The following MANBA variants were observed in gnomAD, a reference collection of about 807,000 sequenced individuals.
MANBA encodes the protein mannosidase beta.
A neutral mutation model predicts 111.1 loss-of-function variants in MANBA; 83 were observed. The observed-to-expected ratio is 0.75, with a 90% CI of 0.63 to 0.90. The LOEUF is 0.90. MANBA is among the 40% of genes least tolerant of loss of function. The pLI is 0.00. For missense variants in MANBA, 1,036 were observed against 1,069.0 expected, an observed-to-expected ratio of 0.97 and a Z score of 0.43; for synonymous variants, 370 against 378.7, an observed-to-expected ratio of 0.98 and a Z score of 0.27.
intron 11 of MANBA, 127 bp downstream of exon 11, chr4:102,664,558 T>C: frequency 1.3e-6 from 1 of 796,044 alleles, no homozygotes; most frequent in South Asian, 1.5e-5. Flanking sequence ...CACCGTGGTC[T>C]CGATCTCCTG....
chr4:102,691,592 A>C (rs1341359069), intron 5 of MANBA, among the ~76,000 whole-genome samples: 2 of 150,324 alleles, frequency 1.3e-5, no homozygotes, highest in Non-Finnish European at 3.0e-5. Context: ...TGTAGCTTTG[A>C]ACTCCTGGGC....
At chr4:102,705,364 G>A (rs1422559862) in intron 5 of MANBA, among the ~76,000 whole-genome samples, 5 of 152,170 alleles carry the variant, frequency 3.3e-5, no homozygotes, top group African/African-American at 4.8e-5. Context: ...GTCTAGCCCC[G>A]AATGGACTGC....
chr4:102,708,398 A>G (rs1733399894), intron 5 of MANBA, among the ~76,000 whole-genome samples: 1 of 152,188 alleles, frequency 6.6e-6, no homozygotes. Context: ...ATGCTCTGAA[A>G]TGACAATTGG....
chr4:102,733,432 C>G (rs899667479), intron 1 of MANBA, among the ~76,000 whole-genome samples: 1 of 151,622 alleles, frequency 6.6e-6, no homozygotes. Flanking sequence ...TGGTTCACTA[C>G]AGCCTCAACC....
At chr4:102,699,751 C>T (rs572971958) in intron 5 of MANBA, among the ~76,000 whole-genome samples, 6 of 150,580 alleles carry the variant, frequency 4.0e-5, no homozygotes, top group Admixed American at 6.6e-5. Context: ...GCTGCTGGAT[C>T]CGGTTTGCCA....
intron 13 of MANBA, among the ~76,000 whole-genome samples, chr4:102,641,069 C>A (rs1729858891): frequency 6.6e-6 from 1 of 152,130 alleles, no homozygotes; most frequent in Non-Finnish European, 1.5e-5. Flanking sequence ...TTAAACAGTA[C>A]CAATGCTAAG....
intron 1 of MANBA, chr4:102,734,728 G>A (rs1723148312): frequency 5.8e-6 from 4 of 694,384 alleles, no homozygotes; most frequent in Non-Finnish European, 9.7e-6. Context: ...TGAGGAGGCT[G>A]TGACACCCTC....
At position 102,709,419 on chromosome 4, in the gene MANBA, GAGAA is replaced by G. The variant is rs1721950287; in HGVS notation, c.673+5015_673+5018del. On this transcript the variant is annotated intron_variant, in intron 5 of 16. Coordinates refer to ENST00000647097, the MANE Select transcript of MANBA (RefSeq NM_005908.4). ...GAAAGAAAAAAAAGAAAGAAAGAAA[GAGAA>G]AGAGAGAGAGAGAAAGGAAGGAAGG... Among the ~76,000 whole-genome samples the G allele has an allele frequency of 1.6e-5, 2 of 128,088 alleles. 1 individual carries two copies. Among genetic ancestry groups the G allele is most frequent in the Non-Finnish European group, 3.2e-5 (2 of 62,246 alleles). The allele number at this position is 128,088 out of a possible 152,430, so 84.0% of individuals were successfully genotyped here.
chr4:102,723,843 A>G lies in MANBA; in HGVS notation c.378+19T>C, dbSNP rs749007579. 13 of 1,412,910 alleles carry G rather than the reference A, an allele frequency of 9.2e-6. No individual in the cohort carries two copies. Among genetic ancestry groups the G allele is most frequent in the Non-Finnish European group, 1.3e-5 (13 of 1,003,842 alleles). 87.5% of individuals were successfully genotyped at this position (1,412,910 alleles called of 1,614,324 possible). ...AACACACATAAATTTTTTTTAACCT[A>G]ATGTCATTATATACTTACATATCTA... is the stretch of plus-strand genomic sequence containing the variant. On this transcript the variant is annotated intron_variant, in intron 3 of 16. Transcript: ENST00000647097.
intron 1 of MANBA, among the ~76,000 whole-genome samples, chr4:102,758,606 G>C (rs778004230): frequency 2.8e-4 from 42 of 149,020 alleles, no homozygotes; most frequent in Non-Finnish European, 5.5e-4. Context: ...TTGGAGTACA[G>C]ATCACGGCTC....
chr4:102,734,466 G>A (rs1356806856), intron 1 of MANBA: 1 of 1,604,640 alleles, frequency 6.2e-7, no homozygotes, highest in East Asian at 2.2e-5. Context: ...GCTCATCTGT[G>A]TGCTGGCCAT....
chr4:102,635,098 T>C, intron 15 of MANBA, 53 bp from the exon 16 acceptor site: 1 of 1,587,278 alleles, frequency 6.3e-7, no homozygotes, highest in South Asian at 1.1e-5. Flanking sequence ...GCTATGTTTT[T>C]AAGGAACAAT....
At chr4:102,733,828 T>C (rs2110201149) in intron 1 of MANBA, among the ~76,000 whole-genome samples, 1 of 152,376 alleles carries the variant, frequency 6.6e-6, no homozygotes, top group Non-Finnish European at 1.5e-5. Context: ...GCTTTCCTGA[T>C]TCATGAATCA....
intron 8 of MANBA, 100 bp downstream of exon 8, chr4:102,673,819 T>C (rs1731603394): frequency 9.0e-7 from 1 of 1,116,794 alleles, no homozygotes. Context: ...TACCTCTTAG[T>C]TCCTTGCCCA....
intron 11 of MANBA, among the ~76,000 whole-genome samples, chr4:102,659,873 C>G (rs1364081212): frequency 1.3e-5 from 2 of 152,088 alleles, no homozygotes; most frequent in Non-Finnish European, 2.9e-5. Context: ...TTCCACATTC[C>G]AGTTTCCCCC....
At chr4:102,714,883 T>C (rs1242718183) in intron 4 of MANBA, among the ~76,000 whole-genome samples, 3 of 152,206 alleles carry the variant, frequency 2.0e-5, no homozygotes, top group African/African-American at 4.8e-5. Context: ...AAAAGGACAC[T>C]AGTTGTATTG....
chr4:102,634,670 A>C (rs1344352070), intron 16 of MANBA, 118 bp downstream of exon 16: 10 of 1,355,562 alleles, frequency 7.4e-6, no homozygotes, highest in Non-Finnish European at 2.1e-6. Flanking sequence ...CCCAGGCCTC[A>C]GGTAAACTCA....
At chr4:102,743,448 T>G (rs980728004) in intron 1 of MANBA, among the ~76,000 whole-genome samples, 1 of 152,204 alleles carries the variant, frequency 6.6e-6, no homozygotes, top group Non-Finnish European at 1.5e-5. Flanking sequence ...CTATCCACTT[T>G]CGGGTGGTGC....
At chr4:102,756,013 T>G (rs1449214042) in intron 1 of MANBA, among the ~76,000 whole-genome samples, 3 of 152,226 alleles carry the variant, frequency 2.0e-5, no homozygotes, top group Admixed American at 6.5e-5. Flanking sequence ...GGAACACTTT[T>G]ACACTGTTGG....
Sources: gnomAD v4.1 joint callset for allele counts (sites outside exome capture counted in the v4.1 genomes callset) on GRCh38, gnomAD v4.1.1 for gene constraint, MANE v1.5 for transcripts, NCBI Gene and HGNC (gene_info 2026-07-23, HGNC 2026-07-21) for gene names.